The following RABGAP1L variants were observed in gnomAD, a reference collection of about 807,000 sequenced individuals.
RABGAP1L encodes rab GTPase-activating protein 1-like.
RABGAP1L carries 63 observed loss-of-function variants against 137.7 expected under a neutral mutation model. That is an observed-to-expected ratio of 0.46 (90% CI 0.37 to 0.56). RABGAP1L has a LOEUF of 0.56. Among genes scored for constraint, RABGAP1L ranks in the 20% least tolerant of loss-of-function variants. RABGAP1L has a pLI of 0.00. For missense variants in RABGAP1L, 1,095 were observed against 1,244.0 expected, an observed-to-expected ratio of 0.88 and a Z score of 1.80; for synonymous variants, 431 against 433.7, an observed-to-expected ratio of 0.99 and a Z score of 0.08.
chr1:174,168,598 A>G (rs959489957), intron 1 of RABGAP1L, among the ~76,000 whole-genome samples: 3 of 152,184 alleles, frequency 2.0e-5, no homozygotes, highest in African/African-American at 7.2e-5. Flanking sequence ...AAGTTGCATG[A>G]TCAAGTTGGT....
intron 13 of RABGAP1L, among the ~76,000 whole-genome samples, chr1:174,468,776 TG>T (rs1206224599): frequency 6.6e-6 from 1 of 152,156 alleles, no homozygotes; most frequent in Non-Finnish European, 1.5e-5. Flanking sequence ...GTAAGTTCCA[TG>T]GGGCAGGGAC....
At chr1:174,474,992 ATGAT>A (rs1056041981) in intron 13 of RABGAP1L, among the ~76,000 whole-genome samples, 84 of 152,264 alleles carry the variant, frequency 5.5e-4, no homozygotes, top group African/African-American at 1.9e-3. Context: ...GTTTTAATGT[ATGAT>A]TGTATTAAAT....
intron 10 of RABGAP1L, among the ~76,000 whole-genome samples, chr1:174,304,191 T>C (rs1422032097): frequency 2.0e-5 from 3 of 152,146 alleles, no homozygotes; most frequent in African/African-American, 7.2e-5. Flanking sequence ...ACATAAGGTC[T>C]TTCTTCTTTA....
intron 14 of RABGAP1L, among the ~76,000 whole-genome samples, chr1:174,648,321 C>T (rs1162377051): frequency 6.6e-6 from 1 of 151,980 alleles, no homozygotes; most frequent in African/African-American, 2.4e-5. Context: ...TGATCTTTCT[C>T]ATTTTCTGAT....
chr1:174,530,547 G>T, intron 13 of RABGAP1L, among the ~76,000 whole-genome samples: 1 of 152,160 alleles, frequency 6.6e-6, no homozygotes, highest in East Asian at 1.9e-4. Flanking sequence ...TGGTGGGAAT[G>T]TGATCTACTG....
rs373474558 is a variant in RABGAP1L, at chr1:174,699,788, C to T, written c.2025+138C>T. On this transcript the variant is annotated intron_variant, in intron 16 of 25. Coordinates refer to ENST00000681986, the MANE Select transcript of RABGAP1L (RefSeq NM_001366446.1). ...AAATGTACATGGATTTAGTTTCAGA[C>T]CAATATCTACATTGGTCTATCATAA... The T allele has an allele frequency of 6.2e-6, 5 of 804,580 alleles. No individual in the cohort carries two copies. The South Asian group carries it at 6.4e-5, about 10-fold the overall frequency. 49.8% of individuals were successfully genotyped at this position (804,580 alleles called of 1,614,324 possible).
chr1:174,196,062 C>T (rs544439873), intron 1 of RABGAP1L, among the ~76,000 whole-genome samples: 1 of 151,456 alleles, frequency 6.6e-6, no homozygotes, highest in Non-Finnish European at 1.5e-5. Flanking sequence ...GTCTGGGTCT[C>T]CTGACCTCGT....
intron 13 of RABGAP1L, among the ~76,000 whole-genome samples, chr1:174,499,557 T>G (rs1661067043): frequency 6.6e-6 from 1 of 152,216 alleles, no homozygotes; most frequent in Non-Finnish European, 1.5e-5. Flanking sequence ...AAACACACAT[T>G]GGCCTGAGTC....
At chr1:174,714,642 C>T (rs900532008) in intron 17 of RABGAP1L, among the ~76,000 whole-genome samples, 9 of 152,128 alleles carry the variant, frequency 5.9e-5, no homozygotes, top group African/African-American at 1.9e-4. Context: ...ATAGTAGCTC[C>T]AGTACAGTGG....
At chr1:174,287,090 T>C (rs1205222320) in intron 10 of RABGAP1L, among the ~76,000 whole-genome samples, 1 of 152,168 alleles carries the variant, frequency 6.6e-6, no homozygotes, top group Non-Finnish European at 1.5e-5. Context: ...TCCTTATGAT[T>C]TTCTGCCTGC....
At chr1:174,801,062 T>C (rs554838707) in intron 18 of RABGAP1L, among the ~76,000 whole-genome samples, 1 of 152,364 alleles carries the variant, frequency 6.6e-6, no homozygotes, top group East Asian at 1.9e-4. Flanking sequence ...TGCTGGCTTC[T>C]GTGCTGTGAA....
intron 19 of RABGAP1L, among the ~76,000 whole-genome samples, chr1:174,907,722 G>A (rs1659341839): frequency 6.6e-6 from 1 of 152,006 alleles, no homozygotes. Context: ...AAAAATAAAA[G>A]CAACAAATTT....
chr1:174,688,338 C>T (rs1678630447), intron 15 of RABGAP1L, among the ~76,000 whole-genome samples: 3 of 151,898 alleles, frequency 2.0e-5, no homozygotes. Context: ...TTTAGACATT[C>T]AGAAGTTTAT....
chr1:174,524,480 G>C (rs954975528), intron 13 of RABGAP1L, among the ~76,000 whole-genome samples: 1 of 151,872 alleles, frequency 6.6e-6, no homozygotes, highest in African/African-American at 2.4e-5. Context: ...TGTGTCATTT[G>C]CCCACTTTTT....
At chr1:174,747,682 A>G (rs1248119693) in intron 17 of RABGAP1L, among the ~76,000 whole-genome samples, 1 of 152,038 alleles carries the variant, frequency 6.6e-6, no homozygotes, top group African/African-American at 2.4e-5. Flanking sequence ...ACTTCAAAAC[A>G]TCATTATCTA....
chr1:174,686,037 A>G (rs1678435053), intron 15 of RABGAP1L, among the ~76,000 whole-genome samples: 1 of 152,214 alleles, frequency 6.6e-6, no homozygotes, highest in African/African-American at 2.4e-5. Flanking sequence ...AGAAGATTAA[A>G]TCCCAGGAAC....
intron 8 of RABGAP1L, among the ~76,000 whole-genome samples, chr1:174,273,835 A>G (rs1206134166): frequency 2.6e-5 from 4 of 152,150 alleles, no homozygotes; most frequent in African/African-American, 9.7e-5. Context: ...AACTTTCAGA[A>G]CAGTCCTCCC....
chr1:174,796,357 A>G (rs1194489741), intron 18 of RABGAP1L, among the ~76,000 whole-genome samples: 1 of 152,212 alleles, frequency 6.6e-6, no homozygotes, highest in Admixed American at 6.5e-5. Flanking sequence ...ACAACAATAA[A>G]AAAAGTATTT....
intron 19 of RABGAP1L, among the ~76,000 whole-genome samples, chr1:174,899,439 T>C (rs1027496135): frequency 6.6e-6 from 1 of 152,318 alleles, no homozygotes; most frequent in Middle Eastern, 3.4e-3. Context: ...ATTAATTTTG[T>C]GGCTCTATCA....
Sources: gnomAD v4.1 joint callset for allele counts (sites outside exome capture counted in the v4.1 genomes callset) on GRCh38, gnomAD v4.1.1 for gene constraint, MANE v1.5 for transcripts, NCBI Gene and HGNC (gene_info 2026-07-23, HGNC 2026-07-21) for gene names.